The following NFAT5 variants were observed in gnomAD, a reference collection of about 807,000 sequenced individuals.
NFAT5 encodes nuclear factor of activated T-cells 5.
A neutral mutation model predicts 166.5 loss-of-function variants in NFAT5; 31 were observed. That is an observed-to-expected ratio of 0.19 (90% CI 0.14 to 0.25). NFAT5 has a LOEUF of 0.25. NFAT5 is among the 10% of genes least tolerant of loss of function. The pLI, the probability that NFAT5 is intolerant of heterozygous loss-of-function variation, is 1.00. For missense variants in NFAT5, 1,449 were observed against 1,821.8 expected (o/e 0.80, Z 3.72); for synonymous variants, 612 against 639.7 (o/e 0.96, Z 0.65).
chr16:69,692,134 C>G lies in NFAT5; in HGVS notation c.2309C>G (p.Thr770Ser). ...QQSPLQEQAQ[T>S]LQQQISSNIF... ...TCACCACTACAAGAACAAGCACAGA[C>G]TTTACAGCAGCAGATTTCATCAAAT... Residue 770 changes from threonine to serine, a missense_variant, in exon 13 of 15, where the codon ACT becomes AGT. Transcript: ENST00000349945. The G allele has an allele frequency of 1.2e-6, 2 of 1,614,116 alleles. No homozygotes were observed. The highest frequency in any genetic ancestry group is 1.7e-6 in the Non-Finnish European group (2 of 1,180,034).
At chr16:69,695,011 A>G (rs1438208315) in intron 13 of NFAT5, 125 bp from the exon 14 acceptor site, 17 of 738,810 alleles carry the variant, frequency 2.3e-5, no homozygotes, top group Middle Eastern at 3.5e-4. Context: ...GAATGCAGTA[A>G]TGAATTTTCC....
At chr16:69,596,670 A>G (rs903050598) in intron 2 of NFAT5, among the ~76,000 whole-genome samples, 1 of 151,204 alleles carries the variant, frequency 6.6e-6, no homozygotes, top group Non-Finnish European at 1.5e-5. Context: ...GTGAGCCGAG[A>G]TCGCGCCATT....
At chr16:69,641,996 G>A (rs894324474) in intron 3 of NFAT5, among the ~76,000 whole-genome samples, 23 of 152,130 alleles carry the variant, frequency 1.5e-4, no homozygotes, top group African/African-American at 4.8e-4. Context: ...CTATTCAGGA[G>A]GCTGAGGTGG....
intron 2 of NFAT5, among the ~76,000 whole-genome samples, chr16:69,577,501 C>T (rs926574683): frequency 1.3e-5 from 2 of 151,918 alleles, no homozygotes; most frequent in African/African-American, 4.8e-5. Flanking sequence ...TACTGTGTTC[C>T]CTTTTAGAAG....
rs1211433438 is a variant in NFAT5, at chr16:69,665,578, AAG to A, written c.1370-4395_1370-4394del. 2.8e-4 allele frequency among the ~76,000 whole-genome samples: 23 copies of A among 81,934 alleles called. 2 individuals are homozygous for A. The highest frequency in any genetic ancestry group is 2.2e-3 in the Admixed American group (18 of 8,032). 53.8% of individuals were successfully genotyped at this position (81,934 alleles called of 152,430 possible). On this transcript the variant is annotated intron_variant, in intron 7 of 14. Transcript: ENST00000349945. ...TGAACTCCCATTCACAATTGCTTCA[AAG>A]AGAATAAAATACCTAGGAATCCAAC...
In NFAT5 at chr16:69,693,598, C is replaced by T. The variant is rs1367065740; in HGVS notation, c.3773C>T (p.Ala1258Val). The T allele has an allele frequency of 6.2e-7, 1 of 1,614,134 alleles. No homozygotes were observed. The highest frequency in any genetic ancestry group is 1.7e-5 in the Admixed American group (1 of 60,016). Residue 1258 changes from alanine to valine, a missense_variant, in exon 13 of 15, where the codon GCC becomes GTC. Transcript: ENST00000349945. ...TTCCAGTCACAGCACTCAATAGTTG[C>T]CATGCAGAGTAACTCTCCATCCCAG... The part of the protein sequence containing the change: ...TMFQSQHSIV[A>V]MQSNSPSQEQ...
chr16:69,632,237 C>A (rs1165685859), intron 3 of NFAT5: 1 of 152,108 alleles, frequency 6.6e-6, no homozygotes, highest in Non-Finnish European at 1.5e-5. Context: ...TAGGAGACAG[C>A]TTTTAAAAAA....
chr16:69,604,655 C>T (rs563755531), intron 2 of NFAT5, among the ~76,000 whole-genome samples: 2 of 152,222 alleles, frequency 1.3e-5, no homozygotes, highest in African/African-American at 4.8e-5. Context: ...CAACCACTAC[C>T]TCTATCTATC....
At chr16:69,664,574 C>T (rs554356701) in intron 7 of NFAT5, among the ~76,000 whole-genome samples, 10 of 152,152 alleles carry the variant, frequency 6.6e-5, no homozygotes, top group East Asian at 3.9e-4. Context: ...TGTGAGCCAC[C>T]GCACCCGGCC....
At chr16:69,573,477 A>G (rs935624981) in intron 2 of NFAT5, among the ~76,000 whole-genome samples, 5 of 152,198 alleles carry the variant, frequency 3.3e-5, no homozygotes, top group African/African-American at 9.7e-5. Flanking sequence ...AAAATAATCT[A>G]TTGAATTCTT....
intron 3 of NFAT5, among the ~76,000 whole-genome samples, chr16:69,629,768 ATTT>A (rs761809860): frequency 8.9e-6 from 1 of 111,740 alleles, no homozygotes; most frequent in Non-Finnish European, 1.8e-5. Flanking sequence ...CACTGGGCTA[ATTT>A]TTTTTTTTTT....
At chr16:69,694,292 G>A in intron 13 of NFAT5, 53 bp downstream of exon 13, 1 of 1,399,164 alleles carries the variant, frequency 7.1e-7, no homozygotes. Flanking sequence ...TTATTAGAAG[G>A]AAGCAGAGTG....
chr16:69,653,233 C>A lies in NFAT5; in HGVS notation c.813-3C>A. On this transcript the variant is annotated splice_polypyrimidine_tract_variant and splice_region_variant and intron_variant, in intron 4 of 14. Coordinates refer to ENST00000349945, the MANE Select transcript of NFAT5 (RefSeq NM_138713.4). Reference sequence around the variant, plus strand: ...TTCTCCATGTTGTGCTTTGATTTCTCAGAACATTGGAAAACCAAAAAGGAA... The same window carrying A: ...TTCTCCATGTTGTGCTTTGATTTCTAAGAACATTGGAAAACCAAAAAGGAA... 1.3e-6 allele frequency: 2 copies of A among 1,551,526 alleles called. No homozygotes were observed. Among genetic ancestry groups the A allele is most frequent in the South Asian group, 2.5e-5 (2 of 79,556 alleles).
In NFAT5 at chr16:69,694,114, C is replaced by T; in HGVS notation, c.4289C>T (p.Thr1430Ile). Reference sequence around the variant, plus strand: ...AACATGCCTGGAATTCAAGGAGCCACATCTTCGCCTCAACCACAGGCTACT... The same window carrying T: ...AACATGCCTGGAATTCAAGGAGCCATATCTTCGCCTCAACCACAGGCTACT... ...QNNMPGIQGA[T>I]SSPQPQATLF... is the part of the protein sequence containing the mutation. The change falls in exon 13 of 15, where the codon ACA becomes ATA. Residue 1430 changes from threonine to isoleucine, a missense_variant. Physicochemically the swap from Thr to Ile is moderately conservative, Grantham distance 89 (BLOSUM62 -1). Transcript: ENST00000349945. The T allele has an allele frequency of 6.2e-7, 1 of 1,614,214 alleles. No individual in the cohort carries two copies. Among genetic ancestry groups the T allele is most frequent in the Non-Finnish European group, 8.5e-7 (1 of 1,180,036 alleles).
intron 4 of NFAT5, among the ~76,000 whole-genome samples, chr16:69,651,393 C>G (rs1028904524): frequency 6.6e-6 from 1 of 152,294 alleles, no homozygotes; most frequent in South Asian, 2.1e-4. Flanking sequence ...AACCTACTCC[C>G]CATTTCCATT....
intron 7 of NFAT5, among the ~76,000 whole-genome samples, chr16:69,669,651 AAC>A (rs1383591811): frequency 6.6e-6 from 1 of 152,256 alleles, no homozygotes. Context: ...ATACTGCAAT[AAC>A]ACACAATTTA....
intron 2 of NFAT5, among the ~76,000 whole-genome samples, chr16:69,617,896 C>T (rs2034027005): frequency 6.6e-6 from 1 of 152,032 alleles, no homozygotes; most frequent in Non-Finnish European, 1.5e-5. Context: ...GTGGCTCATG[C>T]CTATAATCCC....
intron 6 of NFAT5, among the ~76,000 whole-genome samples, chr16:69,657,729 A>G (rs566238779): frequency 4.1e-5 from 6 of 144,854 alleles, no homozygotes; most frequent in African/African-American, 7.6e-5. Flanking sequence ...ACTGCACTCC[A>G]GCCTGGGCAA....
chr16:69,617,069 G>A (rs928458080), intron 2 of NFAT5, among the ~76,000 whole-genome samples: 5 of 150,986 alleles, frequency 3.3e-5, no homozygotes, highest in Non-Finnish European at 5.9e-5. Context: ...TCAGCCTCCC[G>A]AGTAGCTGGG....
Sources: gnomAD v4.1 joint callset for allele counts (sites outside exome capture counted in the v4.1 genomes callset) on GRCh38, gnomAD v4.1.1 for gene constraint, MANE v1.5 for transcripts, NCBI Gene and HGNC (gene_info 2026-07-23, HGNC 2026-07-21) for gene names.